Variants in SLC44A5 observed in about 807,000 individuals in gnomAD.
SLC44A5 encodes choline transporter-like protein 5.
A neutral mutation model predicts 101.8 loss-of-function variants in SLC44A5; 57 were observed. The ratio of observed to expected loss-of-function variants is 0.56; its 90% confidence interval spans 0.45 to 0.70. The LOEUF (loss-of-function observed/expected upper bound fraction) is 0.70, where lower values mean the gene tolerates loss of function less well. SLC44A5 is among the 30% of genes least tolerant of loss of function. The probability of loss-of-function intolerance (pLI) is 0.00; values close to 1 mark genes in which losing one functional copy is unlikely to be tolerated. For missense variants in SLC44A5, 737 were observed against 853.1 expected (o/e 0.86, Z 1.70); for synonymous variants, 281 against 290.9 (o/e 0.97, Z 0.35).
At chr1:75,345,791 T>C (rs1019035504) in intron 3 of SLC44A5, among the ~76,000 whole-genome samples, 10 of 152,124 alleles carry the variant, frequency 6.6e-5, no homozygotes, top group Admixed American at 1.3e-4. Context: ...GAGAAGGACT[T>C]ACACCACCCC....
intron 2 of SLC44A5, among the ~76,000 whole-genome samples, chr1:75,491,248 A>C (rs986113581): frequency 3.9e-5 from 6 of 152,102 alleles, no homozygotes; most frequent in African/African-American, 1.4e-4. Context: ...AATTATTGTG[A>C]CTGGTTGTGA....
intron 2 of SLC44A5, among the ~76,000 whole-genome samples, chr1:75,411,591 T>C (rs1422554074): frequency 1.3e-5 from 2 of 152,118 alleles, no homozygotes; most frequent in East Asian, 1.9e-4. Flanking sequence ...GGATTCTTTA[T>C]TTCACAATTG....
At chr1:75,626,898 C>T in the SLC44A5 span, among the ~76,000 whole-genome samples, 2 of 152,050 alleles carry the variant, frequency 1.3e-5, no homozygotes, top group African/African-American at 4.8e-5. Context: ...TAAAGTTCTC[C>T]GCTACCTGGC....
chr1:75,375,153 G>A (rs1239640939), intron 3 of SLC44A5, among the ~76,000 whole-genome samples: 6 of 152,176 alleles, frequency 3.9e-5, no homozygotes, highest in Non-Finnish European at 1.5e-5. Flanking sequence ...GCCATTTTAA[G>A]TAAGAACCAA....
intron 5 of SLC44A5, among the ~76,000 whole-genome samples, chr1:75,281,758 C>T (rs908417056): frequency 6.6e-6 from 1 of 151,342 alleles, no homozygotes; most frequent in Non-Finnish European, 1.5e-5. Context: ...GTGAAAGTCC[C>T]GAGCCTTGGC....
intron 2 of SLC44A5, among the ~76,000 whole-genome samples, chr1:75,485,954 C>G (rs760332331): frequency 1.3e-5 from 2 of 152,130 alleles, no homozygotes; most frequent in Non-Finnish European, 2.9e-5. Context: ...GAGAAATCCA[C>G]TCCATGATCC....
chr1:75,722,396 T>C, the SLC44A5 span, among the ~76,000 whole-genome samples: 1 of 152,352 alleles, frequency 6.6e-6, no homozygotes, highest in East Asian at 1.9e-4. Context: ...CGTGATCAAC[T>C]CAGTATATCA....
At chr1:75,258,198 A>C (rs1434780524) in intron 6 of SLC44A5, among the ~76,000 whole-genome samples, 3 of 151,590 alleles carry the variant, frequency 2.0e-5, no homozygotes, top group Non-Finnish European at 2.9e-5. Context: ...AGAACTGTTC[A>C]CTCCCCTAGA....
chr1:75,278,243 AAG>A (rs970583219), intron 5 of SLC44A5, among the ~76,000 whole-genome samples: 16 of 150,276 alleles, frequency 1.1e-4, no homozygotes, highest in Admixed American at 7.4e-4. Context: ...AAAATATATT[AAG>A]TTATTATTAA....
intron 1 of SLC44A5, among the ~76,000 whole-genome samples, chr1:75,547,877 C>T (rs1388552336): frequency 2.6e-5 from 4 of 152,066 alleles, no homozygotes; most frequent in African/African-American, 9.7e-5. Context: ...CTTAAAAAAT[C>T]TGTAAAAGAA....
intron 13 of SLC44A5, among the ~76,000 whole-genome samples, chr1:75,227,182 T>C (rs1348571440): frequency 6.6e-6 from 1 of 152,002 alleles, no homozygotes; most frequent in Admixed American, 6.6e-5. Context: ...CTAGGCAACA[T>C]AGGGAGACCC....
At chr1:75,462,088 T>G (rs1297173649) in intron 2 of SLC44A5, among the ~76,000 whole-genome samples, 1 of 152,244 alleles carries the variant, frequency 6.6e-6, no homozygotes, top group Non-Finnish European at 1.5e-5. Flanking sequence ...CAAGACCCAG[T>G]GCTGTGCTGG....
At chr1:75,314,436 T>C (rs1655540764) in intron 4 of SLC44A5, among the ~76,000 whole-genome samples, 1 of 152,202 alleles carries the variant, frequency 6.6e-6, no homozygotes, top group Non-Finnish European at 1.5e-5. Flanking sequence ...CTCCAAGACT[T>C]GCAGACTTTC....
intron 2 of SLC44A5, among the ~76,000 whole-genome samples, chr1:75,509,783 C>T (rs922052333): frequency 1.3e-4 from 20 of 152,102 alleles, no homozygotes; most frequent in Admixed American, 2.6e-4. Context: ...TAGTGAATGA[C>T]GCAGATTATA....
chr1:75,328,901 C>T (rs1394657315), intron 4 of SLC44A5, among the ~76,000 whole-genome samples: 2 of 152,144 alleles, frequency 1.3e-5, no homozygotes, highest in African/African-American at 4.8e-5. Flanking sequence ...GACTGGCTGC[C>T]CAGCAGTGAG....
intron 2 of SLC44A5, among the ~76,000 whole-genome samples, chr1:75,462,890 A>G (rs1666583239): frequency 1.3e-5 from 2 of 152,158 alleles, no homozygotes; most frequent in Admixed American, 1.3e-4. Flanking sequence ...CACCTGCGAT[A>G]TCTAGAAAAT....
At chr1:75,558,933 A>T (rs533683998) in intron 1 of SLC44A5, among the ~76,000 whole-genome samples, 47 of 152,244 alleles carry the variant, frequency 3.1e-4, no homozygotes, top group African/African-American at 1.1e-3. Flanking sequence ...CTCAGACAGT[A>T]GCCAACACTA....
chr1:75,436,107 T>C (rs562187072), intron 2 of SLC44A5, among the ~76,000 whole-genome samples: 3 of 152,308 alleles, frequency 2.0e-5, no homozygotes, highest in Admixed American at 6.5e-5. Flanking sequence ...ATAAAGTATC[T>C]ACTTATCATG....
intron 2 of SLC44A5, among the ~76,000 whole-genome samples, chr1:75,428,059 T>G (rs1473031709): frequency 2.6e-5 from 4 of 152,180 alleles, no homozygotes; most frequent in Admixed American, 6.5e-5. Context: ...GAGGAATGTT[T>G]GATATGGTGG....
Sources: gnomAD v4.1 joint callset for allele counts (sites outside exome capture counted in the v4.1 genomes callset) on GRCh38, gnomAD v4.1.1 for gene constraint, MANE v1.5 for transcripts, NCBI Gene and HGNC (gene_info 2026-07-23, HGNC 2026-07-21) for gene names.